The following TBC1D21 variants were observed in gnomAD, a reference collection of about 807,000 sequenced individuals.
The protein encoded by TBC1D21 is male germ cell Rab GTPase-activating protein.
Under a neutral mutation model 46.0 loss-of-function variants are expected in TBC1D21, and 38 were observed. The observed-to-expected ratio is 0.83, with a 90% CI of 0.64 to 1.08. The LOEUF is 1.08. TBC1D21 is among the 50% of genes least tolerant of loss of function. The pLI, the probability that TBC1D21 is intolerant of heterozygous loss-of-function variation, is 0.00. For missense variants in TBC1D21, 415 were observed against 417.9 expected (o/e 0.99, Z 0.06); for synonymous variants, 151 against 157.2 (o/e 0.96, Z 0.29).
the TBC1D21 span, among the ~76,000 whole-genome samples, chr15:73,895,166 G>C: frequency 2.0e-5 from 3 of 152,198 alleles, no homozygotes; most frequent in African/African-American, 7.2e-5. Flanking sequence ...TCTAAAGTAC[G>C]GTCAGGAATG....
At chr15:73,903,280 A>T in the TBC1D21 span, among the ~76,000 whole-genome samples, 2 of 152,118 alleles carry the variant, frequency 1.3e-5, no homozygotes, top group Non-Finnish European at 2.9e-5. Context: ...TGAGAGAACT[A>T]TCTGGCCTTG....
chr15:73,888,663 C>T (rs1439062441), intron 10 of TBC1D21, 150 bp downstream of exon 10: 2 of 685,210 alleles, frequency 2.9e-6, no homozygotes, highest in Non-Finnish European at 5.2e-6. Context: ...CCTCTTCTTC[C>T]TCCTCCTCTT....
chr15:73,885,109 G>A lies in TBC1D21; in HGVS notation c.579+6G>A. 6.2e-7 allele frequency: 1 copy of A among 1,610,842 alleles called. No individual in the cohort carries two copies. The highest frequency in any genetic ancestry group is 8.5e-7 in the Non-Finnish European group (1 of 1,179,744). ...AGTTCTTCCTGCAGAAAACGGTGAG[G>A]GCAAGGCCTGAGCTCAGGGACGCCC... On this transcript the variant is annotated splice_donor_region_variant and intron_variant, in intron 6 of 10. Transcript: ENST00000300504.
At chr15:73,906,120 C>T in the TBC1D21 span, among the ~76,000 whole-genome samples, 1 of 152,168 alleles carries the variant, frequency 6.6e-6, no homozygotes, top group Non-Finnish European at 1.5e-5. Context: ...ACTCAAGAGT[C>T]CCAGAAAGTT....
the TBC1D21 span, among the ~76,000 whole-genome samples, chr15:73,897,312 A>G: frequency 6.6e-6 from 1 of 152,206 alleles, no homozygotes; most frequent in African/African-American, 2.4e-5. Context: ...AGAAATAACA[A>G]TACCTGCCTT....
chr15:73,899,339 T>C, the TBC1D21 span, among the ~76,000 whole-genome samples: 1 of 152,144 alleles, frequency 6.6e-6, no homozygotes, highest in East Asian at 1.9e-4. Flanking sequence ...TGCCATCTGG[T>C]GCAGTCCCTC....
chr15:73,876,532 C>T (rs566219129), intron 1 of TBC1D21, among the ~76,000 whole-genome samples: 28 of 151,814 alleles, frequency 1.8e-4, no homozygotes, highest in African/African-American at 5.8e-4. Flanking sequence ...CGTGAGCCAC[C>T]GCGCCCGGCC....
At chr15:73,898,880 A>AAAAAAAATATATATATATATATAT in the TBC1D21 span, among the ~76,000 whole-genome samples, 9 of 56,788 alleles carry the variant, frequency 1.6e-4, no homozygotes, top group Non-Finnish European at 3.4e-4. Flanking sequence ...AAAAAAAAAA[A>AAAAAAAATATATATATATATATAT]ATATATATAT....
At chr15:73,877,631 A>C (rs1219626946) in intron 1 of TBC1D21, among the ~76,000 whole-genome samples, 1 of 151,852 alleles carries the variant, frequency 6.6e-6, no homozygotes, top group East Asian at 1.9e-4. Flanking sequence ...ACTCACAGGC[A>C]AATGATTCTT....
At chr15:73,881,893 AGGAGGTGC>A (rs755999968) in intron 3 of TBC1D21, 146 bp downstream of exon 3, 3 of 707,492 alleles carry the variant, frequency 4.2e-6, no homozygotes, top group Non-Finnish European at 7.2e-6. Flanking sequence ...CACAGCACAC[AGGAGGTGC>A]GGCCAGTTCG....
chr15:73,883,213 G>A (rs986736660), intron 3 of TBC1D21, among the ~76,000 whole-genome samples: 3 of 152,228 alleles, frequency 2.0e-5, no homozygotes, highest in Non-Finnish European at 2.9e-5. Flanking sequence ...GCCAGCCAGA[G>A]TGACCCGGGG....
chr15:73,883,891 T>G (rs1296598435), intron 3 of TBC1D21, among the ~76,000 whole-genome samples: 2 of 152,182 alleles, frequency 1.3e-5, no homozygotes, highest in East Asian at 3.8e-4. Flanking sequence ...GTTATTAAGA[T>G]GTAGAGCCAG....
At chr15:73,894,029 T>G (rs1426073806), downstream of TBC1D21, among the ~76,000 whole-genome samples, 2 of 152,212 alleles carry the variant, frequency 1.3e-5, no homozygotes, top group Admixed American at 1.3e-4. Flanking sequence ...CCCTCATGAC[T>G]GAATTCAAAC....
chr15:73,908,930 A>G, the TBC1D21 span, among the ~76,000 whole-genome samples: 1 of 152,200 alleles, frequency 6.6e-6, no homozygotes, highest in African/African-American at 2.4e-5. Flanking sequence ...GATGGCAAAC[A>G]TGGACTTGGG....
chr15:73,879,451 C>T (rs1464184682), intron 1 of TBC1D21, among the ~76,000 whole-genome samples: 1 of 152,160 alleles, frequency 6.6e-6, no homozygotes, highest in Non-Finnish European at 1.5e-5. Context: ...CTCCTGACCT[C>T]AAGTGATCTG....
chr15:73,890,864 G>A (rs1047557943), downstream of TBC1D21, among the ~76,000 whole-genome samples: 4 of 150,608 alleles, frequency 2.7e-5, no homozygotes, highest in African/African-American at 9.8e-5. Context: ...CCTCTCCCCC[G>A]ACCACCCCTC....
chr15:73,904,038 A>C, the TBC1D21 span, among the ~76,000 whole-genome samples: 2 of 151,230 alleles, frequency 1.3e-5, no homozygotes, highest in Admixed American at 6.6e-5. Flanking sequence ...ACAGAGCGAG[A>C]CTCCGTCTCA....
chr15:73,897,483 G>C, the TBC1D21 span, among the ~76,000 whole-genome samples: 1 of 152,232 alleles, frequency 6.6e-6, no homozygotes, highest in Non-Finnish European at 1.5e-5. Flanking sequence ...ACCTCTGCAG[G>C]ATCTGTGGCT....
chr15:73,898,408 C>A, the TBC1D21 span, among the ~76,000 whole-genome samples: 2 of 152,194 alleles, frequency 1.3e-5, no homozygotes, highest in East Asian at 3.8e-4. Flanking sequence ...CGGACCTCTC[C>A]TGTGGTTTTC....
Sources: gnomAD v4.1 joint callset for allele counts (sites outside exome capture counted in the v4.1 genomes callset) on GRCh38, gnomAD v4.1.1 for gene constraint, MANE v1.5 for transcripts, NCBI Gene and HGNC (gene_info 2026-07-23, HGNC 2026-07-21) for gene names.